MAGI2: variants seen among roughly 807,000 people sequenced by gnomAD.
MAGI2 encodes membrane-associated guanylate kinase, WW and PDZ domain-containing protein 2.
A neutral mutation model predicts 133.3 loss-of-function variants in MAGI2; 35 were observed. The ratio of observed to expected loss-of-function variants is 0.26; its 90% CI spans 0.20 to 0.35. The LOEUF (loss-of-function observed/expected upper bound fraction) is 0.35. Ranked by LOEUF, MAGI2 falls within the 10% of genes least tolerant of loss-of-function variation. The pLI is 1.00. For synonymous variants in MAGI2, 729 were observed against 710.6 expected (o/e 1.03, Z -0.41); for missense variants, 1,636 against 1,863.4 (o/e 0.88, Z 2.25).
intron 2 of MAGI2, among the ~76,000 whole-genome samples, chr7:78,655,938 G>C (rs1306932712): frequency 7.6e-6 from 1 of 131,550 alleles, no homozygotes; most frequent in Non-Finnish European, 1.5e-5. Context: ...CCGAGATCGC[G>C]CCACTGCACT....
chr7:78,231,526 T>C (rs1262759715), intron 10 of MAGI2, among the ~76,000 whole-genome samples: 1 of 152,268 alleles, frequency 6.6e-6, no homozygotes, highest in Non-Finnish European at 1.5e-5. Flanking sequence ...AGATTCTTAA[T>C]GTGTTATTTC....
chr7:78,730,221 T>C (rs1044959463), intron 2 of MAGI2, among the ~76,000 whole-genome samples: 1 of 152,176 alleles, frequency 6.6e-6, no homozygotes, highest in Non-Finnish European at 1.5e-5. Context: ...ATATATACCT[T>C]AAATTTTTAT....
At chr7:79,325,470 CA>C (rs1286086371) in intron 1 of MAGI2, among the ~76,000 whole-genome samples, 1 of 152,076 alleles carries the variant, frequency 6.6e-6, no homozygotes, top group African/African-American at 2.4e-5. Context: ...TCTCAAATCA[CA>C]ACAACAGACT....
At chr7:79,452,845 T>C in intron 1 of MAGI2, 175 bp downstream of exon 1, 1 of 645,068 alleles carries the variant, frequency 1.6e-6, no homozygotes. Context: ...CTCCCCTCCC[T>C]TTAGCCCCCA....
At chr7:78,820,805 T>G (rs1790027482) in intron 2 of MAGI2, among the ~76,000 whole-genome samples, 1 of 152,108 alleles carries the variant, frequency 6.6e-6, no homozygotes, top group East Asian at 1.9e-4. Flanking sequence ...AGAAATTAGC[T>G]TATGTTTAAA....
At chr7:79,298,658 G>T (rs1049270613) in intron 1 of MAGI2, among the ~76,000 whole-genome samples, 1 of 152,094 alleles carries the variant, frequency 6.6e-6, no homozygotes, top group African/African-American at 2.4e-5. Context: ...GGGCTAAATT[G>T]TGTCCCCCCA....
At chr7:78,062,382 G>T (rs1293082618) in intron 21 of MAGI2, among the ~76,000 whole-genome samples, 1 of 152,202 alleles carries the variant, frequency 6.6e-6, no homozygotes, top group African/African-American at 2.4e-5. Context: ...TCCACACAAA[G>T]CCATCATGTC....
chr7:78,177,057 T>TTA (rs556062247), intron 14 of MAGI2, among the ~76,000 whole-genome samples: 65 of 149,512 alleles, frequency 4.3e-4, no homozygotes, highest in East Asian at 9.8e-4. Flanking sequence ...GCCAAGACCT[T>TTA]TATATATATA....
chr7:78,603,229 C>A (rs1219835960), intron 3 of MAGI2, among the ~76,000 whole-genome samples: 4 of 152,130 alleles, frequency 2.6e-5, no homozygotes, highest in African/African-American at 4.8e-5. Context: ...GGCTCAAAGG[C>A]AAAATAAACA....
chr7:78,248,739 T>G lies in MAGI2; in HGVS notation c.2047+7204A>C, dbSNP rs540704007. 2.6e-4 allele frequency among the ~76,000 whole-genome samples: 39 copies of G among 152,092 alleles called. 1 individual carries two copies. The highest frequency in any genetic ancestry group is 4.1e-4 in the Non-Finnish European group (28 of 67,958). On this transcript the variant is annotated intron_variant, in intron 10 of 21. Transcript: ENST00000354212. ...ATCAAATCAAAATGCATTAAAAACT[T>G]AAACGTAAGATCCAAAACTATAAAG...
At chr7:79,126,764 AC>A (rs1220494416) in intron 1 of MAGI2, among the ~76,000 whole-genome samples, 2 of 151,630 alleles carry the variant, frequency 1.3e-5, no homozygotes, top group Non-Finnish European at 2.9e-5. Context: ...TGTCCCCCAG[AC>A]TTTTTTTTAA....
intron 3 of MAGI2, among the ~76,000 whole-genome samples, chr7:78,619,227 G>T (rs1807449786): frequency 6.6e-6 from 1 of 151,702 alleles, no homozygotes; most frequent in South Asian, 2.1e-4. Flanking sequence ...ATGTGTACAA[G>T]AGTTAGTAAA....
chr7:78,390,681 G>A (rs1350884925), intron 6 of MAGI2, among the ~76,000 whole-genome samples: 1 of 152,048 alleles, frequency 6.6e-6, no homozygotes, highest in African/African-American at 2.4e-5. Context: ...TAAGAAAAAG[G>A]AGTATTTAAC....
At chr7:78,784,037 A>G (rs1241036871) in intron 2 of MAGI2, among the ~76,000 whole-genome samples, 2 of 152,148 alleles carry the variant, frequency 1.3e-5, no homozygotes, top group Non-Finnish European at 2.9e-5. Flanking sequence ...GGTCATACTA[A>G]TTGCGTTGAC....
At chr7:79,439,734 T>A (rs1226269233) in intron 1 of MAGI2, among the ~76,000 whole-genome samples, 2 of 152,124 alleles carry the variant, frequency 1.3e-5, no homozygotes, top group Non-Finnish European at 2.9e-5. Context: ...TTTATCCTGA[T>A]GGAAGAAAGT....
At chr7:78,924,772 C>T (rs185535089) in intron 2 of MAGI2, among the ~76,000 whole-genome samples, 29 of 151,960 alleles carry the variant, frequency 1.9e-4, no homozygotes, top group African/African-American at 5.1e-4. Context: ...AAAGCCCAGT[C>T]GTCTTCTCAT....
At chr7:78,605,523 C>T (rs567776929) in intron 3 of MAGI2, among the ~76,000 whole-genome samples, 3 of 152,072 alleles carry the variant, frequency 2.0e-5, no homozygotes, top group Non-Finnish European at 4.4e-5. Flanking sequence ...TTATTATATG[C>T]TATTAACTAT....
intron 1 of MAGI2, among the ~76,000 whole-genome samples, chr7:79,027,343 A>G (rs989049925): frequency 6.7e-6 from 1 of 149,928 alleles, no homozygotes; most frequent in African/African-American, 2.4e-5. Flanking sequence ...TATATTTAAT[A>G]TATATATTAA....
At chr7:79,038,685 TG>T (rs1409425757) in intron 1 of MAGI2, among the ~76,000 whole-genome samples, 1 of 152,228 alleles carries the variant, frequency 6.6e-6, no homozygotes, top group Non-Finnish European at 1.5e-5. Flanking sequence ...AGTATGTCAC[TG>T]TGTATGGAAT....
Sources: gnomAD v4.1 joint callset for allele counts (sites outside exome capture counted in the v4.1 genomes callset) on GRCh38, gnomAD v4.1.1 for gene constraint, MANE v1.5 for transcripts, NCBI Gene and HGNC (gene_info 2026-07-23, HGNC 2026-07-21) for gene names.